CA2: variants seen among roughly 807,000 people sequenced by gnomAD.
The protein encoded by CA2 is carbonic anhydrase 2.
In CA2, 23 loss-of-function variants were observed where a neutral mutation model predicts 27.8. The ratio of observed to expected loss-of-function variants is 0.83; its 90% CI spans 0.59 to 1.17. CA2 has a LOEUF of 1.17. Ranked by LOEUF, CA2 falls within the 50% of genes most tolerant of loss-of-function variation. The pLI, the probability that CA2 is intolerant of heterozygous loss-of-function variation, is 0.00. For missense variants in CA2, 300 were observed against 314.7 expected (o/e 0.95, Z 0.35); for synonymous variants, 99 against 114.9 (o/e 0.86, Z 0.88).
intron 1 of CA2, 153 bp downstream of exon 1, chr8:85,464,268 G>A (rs896258401): frequency 1.0e-4 from 60 of 596,420 alleles, no homozygotes; most frequent in Non-Finnish European, 1.5e-4. Flanking sequence ...TGCGCCCCGG[G>A]CGCTCGCTCC....
At chr8:85,468,149 A>G (rs1811656934) in intron 2 of CA2, among the ~76,000 whole-genome samples, 1 of 152,256 alleles carries the variant, frequency 6.6e-6, no homozygotes, top group Admixed American at 6.5e-5. Flanking sequence ...CTGATAAGAC[A>G]GGAAAGACTT....
At chr8:85,468,535 G>C (rs77651694) in intron 2 of CA2, among the ~76,000 whole-genome samples, 69 of 152,310 alleles carry the variant, frequency 4.5e-4, no homozygotes, top group Non-Finnish European at 7.1e-4. Context: ...GAGGTGGGCG[G>C]ATCACTTGAG....
rs113439213 is a variant in CA2, at chr8:85,480,445, G to T, written c.664-225G>T. On this transcript the variant is annotated intron_variant, in intron 6 of 6. Coordinates refer to ENST00000285379, the MANE Select transcript of CA2 (RefSeq NM_000067.3). ...TTAATTTTTGTGTGTGTGTGTGTGTGTTTTTTTTTTTGTAGAGACAGGGTT... is the reference window on the plus strand; with the variant it reads ...TTAATTTTTGTGTGTGTGTGTGTGTTTTTTTTTTTTTGTAGAGACAGGGTT... Among the ~76,000 whole-genome samples, 5,675 of 144,466 alleles carry T rather than the reference G, an allele frequency of 0.039. 261 individuals are homozygous for T. The highest frequency in any genetic ancestry group is 0.1 in the African/African-American group (4,053 of 38,676). The allele number at this position is 144,466 out of a possible 152,430, so 94.8% of individuals were successfully genotyped here.
chr8:85,465,417 C>A lies in CA2; in HGVS notation c.180C>A (p.Leu60=), dbSNP rs766461398. 5 of 1,614,070 alleles carry A rather than the reference C, an allele frequency of 3.1e-6. No homozygotes were observed. Among genetic ancestry groups the A allele is most frequent in the Non-Finnish European group, 3.4e-6 (4 of 1,180,052 alleles). Residue 60 remains leucine (L), a synonymous_variant, in exon 2 of 7, where the codon CTC becomes CTA. Coordinates refer to ENST00000285379, the MANE Select transcript of CA2 (RefSeq NM_000067.3). ...ATCAAGCAACTTCCCTGAGGATCCT[C>A]AACAATGGTCATGCTTTCAACGTGG... ...SYDQATSLRI[L]NNGHAFNVEF...
At chr8:85,466,639 CTG>C (rs1305207130) in intron 2 of CA2, among the ~76,000 whole-genome samples, 1 of 150,538 alleles carries the variant, frequency 6.6e-6, no homozygotes, top group Non-Finnish European at 1.5e-5. Context: ...CTGTGCCTGT[CTG>C]TGTGCACCCC....
intron 1 of CA2, 41 bp downstream of exon 1, chr8:85,464,156 C>G (rs1350894726): frequency 1.4e-6 from 2 of 1,462,150 alleles, no homozygotes; most frequent in Non-Finnish European, 1.8e-6. Context: ...GCCCCGATCC[C>G]CGATCCCCGA....
chr8:85,472,954 A>G (rs1187281039), intron 2 of CA2, among the ~76,000 whole-genome samples: 1 of 151,312 alleles, frequency 6.6e-6, no homozygotes, highest in Non-Finnish European at 1.5e-5. Flanking sequence ...AGATCGCACC[A>G]CCGCACTCCA....
In CA2 at chr8:85,477,213, C is replaced by T; in HGVS notation, c.601C>T (p.Pro201Ser). Residue 201 changes from proline (P) to serine (S), a missense_variant, in exon 6 of 7, where the codon CCT (proline) becomes TCT (serine). This residue lies in a region of CA2 where 173 missense variants were observed against 161.0 expected (regional missense o/e 1.07). Transcript: ENST00000285379. ...WTYPGSLTTP[P>S]LLECVTWIVL... ...CTACCCAGGCTCACTGACCACCCCT[C>T]CTCTTCTGGAATGTGTGACCTGGAT... The T allele has an allele frequency of 6.2e-7, 1 of 1,614,152 alleles. No homozygotes were observed.
In CA2 at chr8:85,464,094, T is replaced by C. The variant is rs1184321968; in HGVS notation, c.13T>C (p.Trp5Arg). The C allele has an allele frequency of 6.5e-7, 1 of 1,548,432 alleles. No individual in the cohort carries two copies. Among genetic ancestry groups the C allele is most frequent in the African/African-American group, 1.4e-5 (1 of 72,418 alleles). Residue 5 changes from tryptophan to arginine, a missense_variant, in exon 1 of 7, where the codon TGG (tryptophan) becomes CGG (arginine). Transcript: ENST00000285379. ...CGCCAGCGCGACCATGTCCCATCAC[T>C]GGGGGTACGGCAAACACAACGGTGA... MSHH[W>R]GYGKHNGPEH...
intron 2 of CA2, 63 bp from the exon 3 acceptor site, chr8:85,473,630 T>C (rs1041872154): frequency 3.8e-6 from 3 of 781,618 alleles, no homozygotes; most frequent in East Asian, 5.3e-5. Context: ...TGTATACCTA[T>C]GTATATATGT....
In CA2 at chr8:85,473,726, G is replaced by C. The variant is rs771384541; in HGVS notation, c.266G>C (p.Arg89Thr). ...LKGGPLDGTYRLIQFHFHWGS... is the reference protein window; with the variant it reads ...LKGGPLDGTYTLIQFHFHWGS... ...GGAGGACCCCTGGATGGCACTTACA[G>C]ATTGATTCAGTTTCACTTTCACTGG... The change falls in exon 3 of 7, where the codon AGA becomes ACA. Residue 89 changes from arginine (R) to threonine (T), a missense_variant. Arg to Thr is a moderately conservative substitution (Grantham distance 71, BLOSUM62 -1). Transcript: ENST00000285379. 8 of 1,611,408 alleles carry C rather than the reference G, an allele frequency of 5.0e-6. No individual in the cohort carries two copies. The South Asian group carries it at 8.8e-5, about 18-fold the overall frequency.
rs780808250 is a variant in CA2 at position 85,473,860 on chromosome 8, G to C, written c.351+49G>C. On this transcript the variant is annotated intron_variant, in intron 3 of 6. Coordinates refer to ENST00000285379, the MANE Select transcript of CA2 (RefSeq NM_000067.3). The stretch of plus-strand genomic sequence containing the variant: ...TTCCAGGGAAAAATGTTTATAAGTT[G>C]ATATTTAGCATTAATTTCAAAAGCT... 5.9e-6 allele frequency: 6 copies of C among 1,013,992 alleles called. 1 individual carries two copies. The South Asian group carries it at 7.6e-5, about 13-fold the overall frequency. The allele number at this position is 1,013,992 out of a possible 1,614,324, so 62.8% of individuals were successfully genotyped here. A position where few individuals can be genotyped will look rare whatever the true frequency, so the allele number is the denominator to read the frequency against.
At chr8:85,467,074 C>T (rs79440547) in intron 2 of CA2, among the ~76,000 whole-genome samples, 1,729 of 152,258 alleles carry the variant, frequency 0.011, 36 homozygotes, top group East Asian at 0.085. Context: ...AATTATGTAT[C>T]TCATTGGATG....
At position 85,480,919 on chromosome 8, in the gene CA2, T is replaced by G. The variant is rs1811882809; in HGVS notation, c.*130T>G. ...TTTTCTAGACCCTTCATCTCTTACT[T>G]GATAGACTTACTAATAAAATGTGAA... is the stretch of plus-strand genomic sequence containing the variant. On this transcript the variant is annotated 3_prime_UTR_variant, in exon 7 of 7. Coordinates refer to ENST00000285379, the MANE Select transcript of CA2 (RefSeq NM_000067.3). 1.1e-6 allele frequency: 1 copy of G among 878,680 alleles called. No individual in the cohort carries two copies. The allele number at this position is 878,680 out of a possible 1,614,324, so 54.4% of individuals were successfully genotyped here. A position where few individuals can be genotyped will look rare whatever the true frequency, so the allele number is the denominator to read the frequency against.
At chr8:85,464,192 G>C (rs1402912556) in intron 1 of CA2, 77 bp downstream of exon 1, 27 of 1,340,596 alleles carry the variant, frequency 2.0e-5, no homozygotes, top group Non-Finnish European at 2.6e-5. Context: ...CCCGGATGCC[G>C]GCCCGGGGCC....
rs1421828995 is a variant in CA2 at position 85,465,469 on chromosome 8, G to A, written c.232G>A (p.Val78Met). 1.9e-6 allele frequency: 3 copies of A among 1,612,526 alleles called. No homozygotes were observed. Among genetic ancestry groups the A allele is most frequent in the Admixed American group, 1.7e-5 (1 of 59,828 alleles). ...VEFDDSQDKA[V>M]LKGGPLDGTY... ...GTTTGATGACTCTCAGGACAAAGCA[G>A]GTCAGTGTTTAGAAAATAACTTGTG... is the stretch of plus-strand genomic sequence containing the variant. The change falls in exon 2 of 7, where the codon GTG becomes ATG. Residue 78 changes from valine (V) to methionine (M), a missense_variant and splice_region_variant. Transcript: ENST00000285379.
At chr8:85,480,540 T>A (rs1751360743) in intron 6 of CA2, 130 bp from the exon 7 acceptor site, 2 of 873,356 alleles carry the variant, frequency 2.3e-6, no homozygotes, top group East Asian at 2.9e-5. Flanking sequence ...GCCTCAGCCT[T>A]ACAAAGTGCT....
chr8:85,465,472 C>A lies in CA2; in HGVS notation c.232+3C>A. 6.2e-7 allele frequency: 1 copy of A among 1,611,622 alleles called. No homozygotes were observed. The highest frequency in any genetic ancestry group is 1.1e-5 in the South Asian group (1 of 90,746). On this transcript the variant is annotated splice_donor_region_variant and intron_variant, in intron 2 of 6. Coordinates refer to ENST00000285379, the MANE Select transcript of CA2 (RefSeq NM_000067.3). Reference sequence around the variant, plus strand: ...TGATGACTCTCAGGACAAAGCAGGTCAGTGTTTAGAAAATAACTTGTGTCT... The same window carrying A: ...TGATGACTCTCAGGACAAAGCAGGTAAGTGTTTAGAAAATAACTTGTGTCT...
chr8:85,475,297 A>AG (rs1811776631), intron 4 of CA2, among the ~76,000 whole-genome samples: 1 of 62,126 alleles, frequency 1.6e-5, no homozygotes, highest in Non-Finnish European at 2.8e-5. Flanking sequence ...ACTGCAGCCT[A>AG]GGGGTTGAGG....
Sources: gnomAD v4.1 joint callset for allele counts (sites outside exome capture counted in the v4.1 genomes callset) on GRCh38, gnomAD v4.1.1 for gene constraint, gnomAD v4.1.1 regional missense constraint, MANE v1.5 for transcripts, NCBI Gene and HGNC (gene_info 2026-07-23, HGNC 2026-07-21) for gene names.